The following KLF15 variants were observed in gnomAD, a reference collection of about 807,000 sequenced individuals.
KLF15 encodes the protein Krueppel-like factor 15.
A neutral mutation model predicts 24.6 loss-of-function variants in KLF15; 4 were observed. That is an observed-to-expected ratio of 0.16 (90% CI 0.08 to 0.37). KLF15 has a LOEUF of 0.37. Among genes scored for constraint, KLF15 ranks in the 10% least tolerant of loss-of-function variants. KLF15 has a pLI of 1.00. For synonymous variants in KLF15, 246 were observed against 236.3 expected (o/e 1.04, Z -0.37); for missense variants, 496 against 560.6 (o/e 0.88, Z 1.16).
At chr3:126,296,945 T>A in the KLF15 span, among the ~76,000 whole-genome samples, 1 of 152,340 alleles carries the variant, frequency 6.6e-6, no homozygotes, top group Admixed American at 6.5e-5. Context: ...TTTTTTCGTT[T>A]GTTTTGTTTT....
At chr3:126,346,334 G>A (rs1560037534) in intron 2 of KLF15, among the ~76,000 whole-genome samples, 1 of 152,086 alleles carries the variant, frequency 6.6e-6, no homozygotes, top group Non-Finnish European at 1.5e-5. Flanking sequence ...GAACCAGGAT[G>A]AGCCAGCCCC....
chr3:126,297,594 T>C, the KLF15 span, among the ~76,000 whole-genome samples: 75 of 152,304 alleles, frequency 4.9e-4, no homozygotes, highest in African/African-American at 1.7e-3. Flanking sequence ...AGTCTTTTTT[T>C]CCTCACCCAC....
chr3:126,292,673 G>A, the KLF15 span, among the ~76,000 whole-genome samples: 4 of 152,070 alleles, frequency 2.6e-5, no homozygotes, highest in Non-Finnish European at 4.4e-5. Flanking sequence ...GAGAGCGAGC[G>A]AGCAGCAGTG....
At chr3:126,338,523 C>T (rs1020190704), downstream of KLF15, among the ~76,000 whole-genome samples, 1 of 152,196 alleles carries the variant, frequency 6.6e-6, no homozygotes, top group Admixed American at 6.5e-5. Flanking sequence ...AATGCAAAGA[C>T]TTCTGTGGGA....
the KLF15 span, among the ~76,000 whole-genome samples, chr3:126,294,509 G>A: frequency 3.9e-5 from 6 of 152,114 alleles, no homozygotes; most frequent in East Asian, 1.9e-4. Context: ...ACTTTTAAAC[G>A]TCAATAATTA....
At chr3:126,300,023 A>T in the KLF15 span, among the ~76,000 whole-genome samples, 17 of 152,184 alleles carry the variant, frequency 1.1e-4, no homozygotes, top group African/African-American at 4.1e-4. Flanking sequence ...GTGGTGACAT[A>T]CCGGTAGCAT....
At chr3:126,357,027 C>CG (rs537927792) in intron 1 of KLF15, among the ~76,000 whole-genome samples, 13 of 150,760 alleles carry the variant, frequency 8.6e-5, no homozygotes, top group African/African-American at 3.2e-4. Context: ...GGTGGGCGAC[C>CG]GGGGCGGGGG....
chr3:126,302,959 G>T, the KLF15 span, among the ~76,000 whole-genome samples: 6 of 152,028 alleles, frequency 3.9e-5, no homozygotes, highest in African/African-American at 1.4e-4. Context: ...TATTTGTCCT[G>T]TCTATTTATT....
At chr3:126,300,896 C>A in the KLF15 span, among the ~76,000 whole-genome samples, 1 of 152,188 alleles carries the variant, frequency 6.6e-6, no homozygotes, top group Admixed American at 6.5e-5. Context: ...CGCTGAACGT[C>A]AGGCCAGGGC....
At chr3:126,319,214 C>G in the KLF15 span, among the ~76,000 whole-genome samples, 36 of 152,302 alleles carry the variant, frequency 2.4e-4, no homozygotes, top group African/African-American at 7.5e-4. Flanking sequence ...TTGGTTGCTT[C>G]CAAGTTTTGG....
At chr3:126,335,630 A>T in the KLF15 span, among the ~76,000 whole-genome samples, 4 of 145,102 alleles carry the variant, frequency 2.8e-5, no homozygotes, top group African/African-American at 7.7e-5. Context: ...GAGGAAGTCA[A>T]ATTGTCCCTG....
At chr3:126,327,533 G>T in the KLF15 span, among the ~76,000 whole-genome samples, 1 of 152,102 alleles carries the variant, frequency 6.6e-6, no homozygotes, top group South Asian at 2.1e-4. Flanking sequence ...CAAACTCCAG[G>T]TGTATTTTCA....
chr3:126,334,238 C>T, the KLF15 span, among the ~76,000 whole-genome samples: 36 of 151,838 alleles, frequency 2.4e-4, no homozygotes, highest in African/African-American at 7.7e-4. Context: ...GACCACAGTG[C>T]GATCAAACTA....
the KLF15 span, among the ~76,000 whole-genome samples, chr3:126,314,937 T>C: frequency 6.6e-6 from 1 of 152,194 alleles, no homozygotes; most frequent in Non-Finnish European, 1.5e-5. Context: ...GCCAGAGCAC[T>C]ACACACTAGG....
At chr3:126,316,430 G>A in the KLF15 span, among the ~76,000 whole-genome samples, 4 of 36,638 alleles carry the variant, frequency 1.1e-4, no homozygotes, top group African/African-American at 7.2e-4. Context: ...GGAAGGGAGT[G>A]CATGGGCCTG....
At chr3:126,354,449 C>G (rs1210566589) in intron 1 of KLF15, among the ~76,000 whole-genome samples, 1 of 152,146 alleles carries the variant, frequency 6.6e-6, no homozygotes, top group Non-Finnish European at 1.5e-5. Context: ...TCCTTGCTCC[C>G]CTTCCCAAAC....
chr3:126,308,171 C>T, the KLF15 span, among the ~76,000 whole-genome samples: 5 of 152,298 alleles, frequency 3.3e-5, no homozygotes, highest in African/African-American at 4.8e-5. Context: ...ACAGGAAGCG[C>T]GCTGCCCTGG....
chr3:126,335,889 G>C, the KLF15 span, among the ~76,000 whole-genome samples: 1 of 137,480 alleles, frequency 7.3e-6, no homozygotes, highest in African/African-American at 2.8e-5. Flanking sequence ...ACCTCTTCAA[G>C]GAGAACTACA....
chr3:126,352,083 G>A lies in KLF15; in HGVS notation c.840C>T (p.Arg280=). Residue 280 remains arginine, a synonymous_variant, in exon 2 of 3, where the codon CGC becomes CGT. Transcript: ENST00000296233. ...TGGCGGCAATGGGCACAGGGGCAAT[G>A]CGCACAAACTTGGAGGGCAGGTTCA... The part of the protein sequence containing the change: ...SNLNLPSKFV[R]IAPVPIAAKP... 6.5e-7 allele frequency: 1 copy of A among 1,544,282 alleles called. No homozygotes were observed. The highest frequency in any genetic ancestry group is 8.7e-7 in the Non-Finnish European group (1 of 1,143,574).
Sources: gnomAD v4.1 joint callset for allele counts (sites outside exome capture counted in the v4.1 genomes callset) on GRCh38, gnomAD v4.1.1 for gene constraint, MANE v1.5 for transcripts, NCBI Gene and HGNC (gene_info 2026-07-23, HGNC 2026-07-21) for gene names.